The following MYCBP2 variants were observed in gnomAD, a reference collection of about 807,000 sequenced individuals.
MYCBP2 encodes the protein MYC binding protein 2.
A neutral mutation model predicts 525.3 loss-of-function variants in MYCBP2; 120 were observed. That is an observed-to-expected ratio of 0.23 (90% confidence interval 0.20 to 0.27). The LOEUF (loss-of-function observed/expected upper bound fraction) is 0.27, where lower values mean the gene tolerates loss of function less well. Among genes scored for constraint, MYCBP2 ranks in the 10% least tolerant of loss-of-function variants. The pLI is 1.00. For missense variants in MYCBP2, 4,149 were observed against 5,657.1 expected (o/e 0.73, Z 8.55); for synonymous variants, 1,894 against 1,955.8 (o/e 0.97, Z 0.83).
intron 1 of MYCBP2, among the ~76,000 whole-genome samples, chr13:77,310,260 C>T (rs1325721219): frequency 6.6e-6 from 1 of 152,176 alleles, no homozygotes; most frequent in Admixed American, 6.5e-5. Flanking sequence ...TTATGCACCC[C>T]GCTACCTACA....
chr13:77,157,795 T>A, intron 45 of MYCBP2, 142 bp downstream of exon 45: 1 of 678,212 alleles, frequency 1.5e-6, no homozygotes, highest in Non-Finnish European at 2.4e-6. Flanking sequence ...ATATTAACTA[T>A]CATTTTATAT....
At chr13:77,061,853 T>C (rs2039352002) in intron 74 of MYCBP2, 63 bp from the exon 75 acceptor site, 5 of 1,420,168 alleles carry the variant, frequency 3.5e-6, no homozygotes, top group Middle Eastern at 2.3e-4. Context: ...TCATACAAAT[T>C]GAATATAATT....
At chr13:77,106,981 C>G (rs1296460539) in intron 55 of MYCBP2, among the ~76,000 whole-genome samples, 1 of 152,118 alleles carries the variant, frequency 6.6e-6, no homozygotes, top group Non-Finnish European at 1.5e-5. Flanking sequence ...TCAAATAGCA[C>G]TGTATTCTGT....
At chr13:77,112,156 C>T (rs1466022849) in intron 55 of MYCBP2, among the ~76,000 whole-genome samples, 1 of 151,818 alleles carries the variant, frequency 6.6e-6, no homozygotes. Context: ...TAAGTGCTTC[C>T]TATTTTACTT....
chr13:77,274,692 A>G (rs2075311924), intron 4 of MYCBP2, among the ~76,000 whole-genome samples: 1 of 152,154 alleles, frequency 6.6e-6, no homozygotes, highest in Non-Finnish European at 1.5e-5. Flanking sequence ...CTATCTCATC[A>G]TCATCTTTCC....
intron 55 of MYCBP2, among the ~76,000 whole-genome samples, chr13:77,111,314 T>C (rs1300799087): frequency 6.6e-6 from 1 of 152,204 alleles, no homozygotes. Context: ...GAACTCATTT[T>C]TCCTTAAAAG....
rs1363924475 is a variant in MYCBP2 at position 77,225,301 on chromosome 13, C to T, written c.2857+134G>A. On this transcript the variant is annotated intron_variant, in intron 19 of 82. Coordinates refer to ENST00000544440, the MANE Select transcript of MYCBP2 (RefSeq NM_015057.5). Reference sequence around the variant, plus strand: ...GAGATTCTGTAATAAATACAAAGGTCTTACAGATTTGAGAGACTGCCACGC... The same window carrying T: ...GAGATTCTGTAATAAATACAAAGGTTTTACAGATTTGAGAGACTGCCACGC... 6 of 1,123,270 alleles carry T rather than the reference C, an allele frequency of 5.3e-6. No individual in the cohort carries two copies. The African/African-American group carries it at 9.4e-5, about 18-fold the overall frequency. 69.6% of individuals were successfully genotyped at this position (1,123,270 alleles called of 1,614,324 possible).
chr13:77,144,254 C>A, intron 49 of MYCBP2, 191 bp downstream of exon 49: 1 of 565,470 alleles, frequency 1.8e-6, no homozygotes, highest in South Asian at 2.1e-5. Flanking sequence ...CCTGGGCGGA[C>A]ACCAGAAATT....
In MYCBP2 at chr13:77,296,630, T is replaced by C. The variant is rs768441476; in HGVS notation, c.347A>G (p.Lys116Arg). The C allele has an allele frequency of 6.4e-7, 1 of 1,553,982 alleles. No individual in the cohort carries two copies. The highest frequency in any genetic ancestry group is 8.7e-7 in the Non-Finnish European group (1 of 1,145,216). Residue 116 changes from lysine to arginine, a missense_variant, in exon 2 of 83, where the codon AAG becomes AGG. Physicochemically the swap from Lys to Arg is conservative, Grantham distance 26 (BLOSUM62 2). This residue lies in a region of MYCBP2 where 413 missense variants were observed against 451.2 expected (regional missense o/e 0.92). Coordinates refer to ENST00000544440, the MANE Select transcript of MYCBP2 (RefSeq NM_015057.5). ...TCTTGTCTTCACTTTTGATTTGCTC[T>C]TCTGTTTTCTTTTCAATTTCTTCTT... ...LNKKKLKRKQ[K>R]SKSKVKTRSK...
At chr13:77,307,625 C>CAAAAAA (rs763388200) in intron 1 of MYCBP2, among the ~76,000 whole-genome samples, 2 of 30,116 alleles carry the variant, frequency 6.6e-5, no homozygotes, top group Admixed American at 3.9e-4. Flanking sequence ...GACCCTGTCT[C>CAAAAAA]AAAAAAAAAA....
rs17067276 is a variant in MYCBP2 at position 77,165,266 on chromosome 13, T to G, written c.6459+7A>C. The G allele has an allele frequency of 5.9e-4, 927 of 1,571,328 alleles. 13 individuals are homozygous for G. The East Asian group carries it at 0.017, about 30-fold the overall frequency. On this transcript the variant is annotated splice_region_variant and intron_variant, in intron 42 of 82. Coordinates refer to ENST00000544440, the MANE Select transcript of MYCBP2 (RefSeq NM_015057.5). The stretch of plus-strand genomic sequence containing the variant: ...CTTAAAAGAATGAAAAGATAATTCA[T>G]TCTTACCTCATCAGGTCCAGGGCTA...
At position 77,270,298 on chromosome 13, in the gene MYCBP2, T is replaced by C. The variant is rs2074695099; in HGVS notation, c.1186A>G (p.Arg396Gly). The change falls in exon 6 of 83, where the codon AGG (arginine) becomes GGG (glycine). Residue 396 changes from arginine to glycine, a missense_variant and splice_region_variant. Transcript: ENST00000544440. ...GGAACTGTAAGGAATCACATTACCC[T>C]AACTGTTCCACTGTATCCAGAGCCT... Reference protein sequence around the residue: ...KIGSGYSGTVRGHIYNSTSRI... With the variant: ...KIGSGYSGTVGGHIYNSTSRI... 4.3e-6 allele frequency: 7 copies of C among 1,609,440 alleles called. No individual in the cohort carries two copies. The highest frequency in any genetic ancestry group is 4.2e-6 in the Non-Finnish European group (5 of 1,176,884).
At chr13:77,206,977 C>A (rs1309157131) in intron 23 of MYCBP2, 152 bp from the exon 24 acceptor site, 1 of 542,452 alleles carries the variant, frequency 1.8e-6, no homozygotes, top group East Asian at 3.6e-5. Context: ...CTAAGCTAAA[C>A]ATATAAAAAA....
chr13:77,068,485 G>C, intron 70 of MYCBP2, 80 bp downstream of exon 70: 1 of 1,510,432 alleles, frequency 6.6e-7, no homozygotes. Flanking sequence ...AGGGTCCTTA[G>C]ATAATTCTCT....
At chr13:77,242,280 A>C (rs2068978913) in intron 17 of MYCBP2, among the ~76,000 whole-genome samples, 1 of 151,898 alleles carries the variant, frequency 6.6e-6, no homozygotes, top group Non-Finnish European at 1.5e-5. Context: ...CGCCCAGCTA[A>C]TTTTTTTGTA....
At chr13:77,075,201 C>T (rs752811010) in intron 68 of MYCBP2, among the ~76,000 whole-genome samples, 2 of 151,990 alleles carry the variant, frequency 1.3e-5, no homozygotes, top group Non-Finnish European at 2.9e-5. Flanking sequence ...GAGAGAGACC[C>T]GGTCTCAAGC....
intron 8 of MYCBP2, among the ~76,000 whole-genome samples, chr13:77,267,523 G>A (rs1030707349): frequency 9.2e-5 from 14 of 152,026 alleles, no homozygotes; most frequent in Admixed American, 9.2e-4. Flanking sequence ...TCACATGAGA[G>A]CCAGAGTTCT....
chr13:77,163,824 A>C (rs927932655), intron 43 of MYCBP2, among the ~76,000 whole-genome samples: 3 of 152,168 alleles, frequency 2.0e-5, no homozygotes, highest in Non-Finnish European at 2.9e-5. Flanking sequence ...CCAATGATAG[A>C]TTTTAATTCA....
chr13:77,284,096 G>T (rs2154355191), intron 3 of MYCBP2, among the ~76,000 whole-genome samples: 1 of 152,078 alleles, frequency 6.6e-6, no homozygotes, highest in Middle Eastern at 3.4e-3. Context: ...AAGCAAAAGG[G>T]TGACAATCAA....
Sources: allele counts gnomAD v4.1 joint callset (sites outside exome capture counted in the v4.1 genomes callset), GRCh38; gene constraint gnomAD v4.1.1; regional missense constraint gnomAD v4.1.1; transcripts MANE v1.5; gene names NCBI Gene and HGNC (gene_info 2026-07-23, HGNC 2026-07-21).